Variants in GPC6 observed in about 807,000 individuals in gnomAD.
The protein encoded by GPC6 is glypican 6.
A neutral mutation model predicts 55.2 loss-of-function variants in GPC6; 14 were observed. The observed-to-expected ratio is 0.25, with a 90% CI of 0.17 to 0.40. The LOEUF is 0.40. Among genes scored for constraint, GPC6 ranks in the 10% least tolerant of loss-of-function variants. The probability of loss-of-function intolerance (pLI) is 1.00; values close to 1 mark genes in which losing one functional copy is unlikely to be tolerated. For synonymous variants in GPC6, 278 were observed against 259.6 expected, an observed-to-expected ratio of 1.07 and a Z score of -0.68; for missense variants, 641 against 708.5, an observed-to-expected ratio of 0.90 and a Z score of 1.08.
At chr13:93,289,293 C>T (rs533696682) in intron 1 of GPC6, among the ~76,000 whole-genome samples, 14 of 152,150 alleles carry the variant, frequency 9.2e-5, no homozygotes, top group Non-Finnish European at 2.1e-4. Flanking sequence ...TCTGCCTTCA[C>T]TCCAGTACTC....
At chr13:94,218,852 G>C (rs1489149515) in intron 4 of GPC6, among the ~76,000 whole-genome samples, 1 of 152,080 alleles carries the variant, frequency 6.6e-6, no homozygotes, top group Non-Finnish European at 1.5e-5. Flanking sequence ...AATTCAGTTG[G>C]TCTGGGGTAG....
chr13:93,973,967 A>C (rs999994303), intron 3 of GPC6, among the ~76,000 whole-genome samples: 2 of 152,208 alleles, frequency 1.3e-5, no homozygotes, highest in Admixed American at 6.5e-5. Flanking sequence ...ACTCTCCCTG[A>C]AACTTTTTAG....
At chr13:94,113,500 T>C (rs1048119508) in intron 4 of GPC6, among the ~76,000 whole-genome samples, 1 of 152,150 alleles carries the variant, frequency 6.6e-6, no homozygotes, top group Non-Finnish European at 1.5e-5. Context: ...GTGTGCACCT[T>C]GTACAATATG....
intron 3 of GPC6, among the ~76,000 whole-genome samples, chr13:93,934,496 T>C (rs1397047379): frequency 6.6e-6 from 1 of 152,158 alleles, no homozygotes; most frequent in Non-Finnish European, 1.5e-5. Context: ...ACTATACAAT[T>C]CTATGGCATT....
chr13:94,302,625 A>G (rs1566652315), intron 5 of GPC6, among the ~76,000 whole-genome samples: 1 of 152,226 alleles, frequency 6.6e-6, no homozygotes, highest in South Asian at 2.1e-4. Flanking sequence ...CTAAGCAAAA[A>G]CAACGGCAAA....
intron 1 of GPC6, among the ~76,000 whole-genome samples, chr13:93,459,652 C>G (rs1047589407): frequency 2.0e-5 from 3 of 152,172 alleles, no homozygotes; most frequent in Admixed American, 2.0e-4. Context: ...TGTGTCTTCA[C>G]TTTTAATGTA....
chr13:93,961,524 A>T (rs1262095394), intron 3 of GPC6, among the ~76,000 whole-genome samples: 1 of 152,208 alleles, frequency 6.6e-6, no homozygotes, highest in Non-Finnish European at 1.5e-5. Flanking sequence ...AAAAAGATTC[A>T]TTATTTATTG....
At chr13:93,661,534 T>C (rs147264948) in intron 2 of GPC6, among the ~76,000 whole-genome samples, 141 of 152,142 alleles carry the variant, frequency 9.3e-4, no homozygotes, top group African/African-American at 3.3e-3. Context: ...CAACTCTCTT[T>C]GAAACTGAGG....
At chr13:93,829,951 T>C (rs984040601) in intron 2 of GPC6, among the ~76,000 whole-genome samples, 37 of 152,186 alleles carry the variant, frequency 2.4e-4, no homozygotes, top group Admixed American at 2.2e-3. Flanking sequence ...AATCATGGGG[T>C]ATTCTGTTTT....
intron 1 of GPC6, among the ~76,000 whole-genome samples, chr13:93,296,558 C>A (rs9589706): frequency 0.018 from 2,720 of 152,104 alleles, 91 homozygotes; most frequent in African/African-American, 0.061. Context: ...ATGACAAAAG[C>A]CTTCCATATC....
chr13:94,271,242 C>T (rs573881402), intron 4 of GPC6, among the ~76,000 whole-genome samples: 2 of 151,842 alleles, frequency 1.3e-5, no homozygotes, highest in African/African-American at 2.4e-5. Flanking sequence ...CCACCCGTCT[C>T]GACCTCCCAA....
At chr13:93,956,407 T>C (rs1159290157) in intron 3 of GPC6, among the ~76,000 whole-genome samples, 1 of 152,200 alleles carries the variant, frequency 6.6e-6, no homozygotes, top group East Asian at 1.9e-4. Context: ...AAAATGGTGA[T>C]ATTTATCATG....
intron 2 of GPC6, among the ~76,000 whole-genome samples, chr13:93,757,508 A>G (rs748427132): frequency 6.6e-5 from 10 of 152,122 alleles, no homozygotes; most frequent in Admixed American, 3.3e-4. Flanking sequence ...AGCAGTGGAC[A>G]CTTCTATTCT....
intron 4 of GPC6, among the ~76,000 whole-genome samples, chr13:94,206,469 T>C (rs1889905049): frequency 6.6e-6 from 1 of 152,154 alleles, no homozygotes; most frequent in Non-Finnish European, 1.5e-5. Context: ...GAGGGGTTTT[T>C]TTTGGTATTA....
rs1887592699 is a variant in GPC6, at chr13:93,833,146, A to AGAGAGAGC, written c.711+2608_711+2609insCGAGAGAG. ...GAGAGAGAGAGAGAGAGAGAGAGAG[A>AGAGAGAGC]GAGAGAGAGAGATGGTATATATATA... On this transcript the variant is annotated intron_variant, in intron 3 of 8. Coordinates refer to ENST00000377047, the MANE Select transcript of GPC6 (RefSeq NM_005708.5). Among the ~76,000 whole-genome samples the AGAGAGAGC allele has an allele frequency of 4.3e-5, 6 of 139,272 alleles. No homozygotes were observed. The East Asian group carries it at 1.5e-3, about 35-fold the overall frequency. The allele number at this position is 139,272 out of a possible 152,430, so 91.4% of individuals were successfully genotyped here.
intron 1 of GPC6, among the ~76,000 whole-genome samples, chr13:93,347,760 C>T (rs764949435): frequency 1.8e-4 from 27 of 152,288 alleles, no homozygotes; most frequent in Non-Finnish European, 2.9e-4. Context: ...TCCAGGCTCA[C>T]TCCAATGAGA....
intron 1 of GPC6, among the ~76,000 whole-genome samples, chr13:93,439,736 G>T (rs573335258): frequency 6.6e-6 from 1 of 150,766 alleles, no homozygotes; most frequent in East Asian, 1.9e-4. Context: ...CCAAGCTTCG[G>T]GTGTGTCTTT....
chr13:93,840,347 GA>G (rs1233878512), intron 3 of GPC6, among the ~76,000 whole-genome samples: 1 of 152,068 alleles, frequency 6.6e-6, no homozygotes, highest in Non-Finnish European at 1.5e-5. Context: ...AAACCTAGAA[GA>G]GATGGATAAA....
At chr13:94,262,179 T>C (rs1418600176) in intron 4 of GPC6, among the ~76,000 whole-genome samples, 5 of 152,078 alleles carry the variant, frequency 3.3e-5, no homozygotes, top group Non-Finnish European at 7.4e-5. Context: ...GCTCAACAGA[T>C]GCTTATTTAA....
Sources: allele counts gnomAD v4.1 joint callset (sites outside exome capture counted in the v4.1 genomes callset), GRCh38; gene constraint gnomAD v4.1.1; transcripts MANE v1.5; gene names NCBI Gene and HGNC (gene_info 2026-07-23, HGNC 2026-07-21).